Variants in PHF21B observed in about 807,000 individuals in gnomAD.
PHF21B encodes the protein PHD finger protein 21B, also known as PHD finger protein 4.
PHF21B carries 22 observed loss-of-function variants against 62.2 expected under a neutral mutation model. The observed-to-expected ratio is 0.35, with a 90% confidence interval of 0.25 to 0.51. The LOEUF (loss-of-function observed/expected upper bound fraction) is 0.51. PHF21B is among the 20% of genes least tolerant of loss of function. PHF21B has a pLI of 0.97. For missense variants in PHF21B, 701 were observed against 707.9 expected (o/e 0.99, Z 0.11); for synonymous variants, 341 against 314.7 (o/e 1.08, Z -0.88).
At chr22:44,920,348 T>C (rs771983587) in intron 3 of PHF21B, 50 bp downstream of exon 3, 2 of 1,475,670 alleles carry the variant, frequency 1.4e-6, no homozygotes, top group Admixed American at 2.0e-5. Flanking sequence ...GAACAGAGAC[T>C]GCGGGGACAG....
chr22:44,891,938 G>T (rs963014272), intron 7 of PHF21B, among the ~76,000 whole-genome samples: 1 of 152,162 alleles, frequency 6.6e-6, no homozygotes, highest in African/African-American at 2.4e-5. Flanking sequence ...GGCCAGATTT[G>T]ACACCACTTC....
At chr22:44,904,280 CA>C (rs1433717948) in intron 5 of PHF21B, among the ~76,000 whole-genome samples, 7 of 150,374 alleles carry the variant, frequency 4.7e-5, no homozygotes, top group Non-Finnish European at 1.0e-4. Context: ...CTTTGTAAAA[CA>C]AAACTGGATT....
chr22:44,889,689 G>T, intron 9 of PHF21B, 71 bp downstream of exon 9: 2 of 1,523,284 alleles, frequency 1.3e-6, no homozygotes, highest in South Asian at 1.3e-5. Flanking sequence ...TTCCAGGAGG[G>T]ACCCTATGAG....
intron 2 of PHF21B, among the ~76,000 whole-genome samples, chr22:44,974,512 C>T (rs76636329): frequency 0.082 from 12,552 of 152,170 alleles, 575 homozygotes; most frequent in South Asian, 0.12. Flanking sequence ...GCCGACATAC[C>T]CACATGTGTT....
At chr22:44,998,036 T>C (rs2147521158) in intron 2 of PHF21B, among the ~76,000 whole-genome samples, 1 of 152,386 alleles carries the variant, frequency 6.6e-6, no homozygotes, top group Middle Eastern at 3.4e-3. Flanking sequence ...CTGCAGGGAC[T>C]CCTGATTCTC....
chr22:44,885,461 C>T lies in PHF21B; in HGVS notation c.1342G>A (p.Glu448Lys). 6.3e-7 allele frequency: 1 copy of T among 1,595,320 alleles called. No homozygotes were observed. Among genetic ancestry groups the T allele is most frequent in the Non-Finnish European group, 8.5e-7 (1 of 1,171,646 alleles). Residue 448 changes from glutamate (E) to lysine (K), a missense_variant, in exon 12 of 13, where the codon GAG becomes AAG. Coordinates refer to ENST00000313237, the MANE Select transcript of PHF21B (RefSeq NM_138415.5). ...GACGCCAGCCGCCGGTCCCGCTCCT[C>T]CAGCTGCTGGTGCTCGTTCTGCAGC... ...SELQNEHQQL[E>K]ERDRRLASAV...
intron 6 of PHF21B, among the ~76,000 whole-genome samples, chr22:44,895,296 T>C (rs6007373): frequency 6.6e-6 from 1 of 151,682 alleles, no homozygotes; most frequent in Admixed American, 6.6e-5. Flanking sequence ...GGCCCTAAGA[T>C]TCTAGGATGA....
At chr22:44,896,119 A>G (rs1483434299) in intron 5 of PHF21B, 36 bp from the exon 6 acceptor site, 3 of 1,611,340 alleles carry the variant, frequency 1.9e-6, no homozygotes, top group Non-Finnish European at 2.5e-6. Context: ...CATTAACACA[A>G]CCGTCAAAGT....
intron 2 of PHF21B, among the ~76,000 whole-genome samples, chr22:45,005,631 A>G (rs1601704515): frequency 1.3e-5 from 2 of 152,326 alleles, no homozygotes; most frequent in East Asian, 3.9e-4. Context: ...GGGCCCTGAA[A>G]GACAGGATTC....
chr22:44,987,421 T>G (rs2072970396), intron 2 of PHF21B, among the ~76,000 whole-genome samples: 1 of 152,194 alleles, frequency 6.6e-6, no homozygotes, highest in African/African-American at 2.4e-5. Flanking sequence ...ACAGCCACGG[T>G]TCTGCTTCAC....
At chr22:44,964,329 C>T (rs777585246) in intron 2 of PHF21B, among the ~76,000 whole-genome samples, 6 of 152,202 alleles carry the variant, frequency 3.9e-5, no homozygotes, top group Non-Finnish European at 7.3e-5. Flanking sequence ...AATGCAGCCT[C>T]GGCCCGAGGG....
intron 2 of PHF21B, among the ~76,000 whole-genome samples, chr22:44,990,223 A>G (rs563333169): frequency 5.8e-4 from 88 of 152,362 alleles, no homozygotes; most frequent in African/African-American, 2.0e-3. Context: ...CCAGAGGATG[A>G]CACAGGCAAC....
intron 7 of PHF21B, among the ~76,000 whole-genome samples, 168 bp from the exon 8 acceptor site, chr22:44,891,528 G>A (rs2147255716): frequency 6.6e-6 from 1 of 152,292 alleles, no homozygotes; most frequent in Middle Eastern, 3.4e-3. Flanking sequence ...ATACAGGGCA[G>A]AAGCACGCAG....
chr22:45,009,345 G>T lies in PHF21B; in HGVS notation c.54+151C>A. 1 of 770,708 alleles carries T rather than the reference G, an allele frequency of 1.3e-6. No individual in the cohort carries two copies. Among genetic ancestry groups the T allele is most frequent in the Non-Finnish European group, 2.0e-6 (1 of 504,814 alleles). The allele number at this position is 770,708 out of a possible 1,614,324, so 47.7% of individuals were successfully genotyped here. On this transcript the variant is annotated intron_variant, in intron 1 of 12. Transcript: ENST00000313237. This position sits in a 1 kb window ranked among gnomAD's most constrained non-coding sequence, Gnocchi z 5.9. Reference sequence around the variant, plus strand: ...GAGGGGAGCCCAGAAGGGGGTCCGCGCGTGTGCTCACTCCCTCGCCCCCCG... The same window carrying T: ...GAGGGGAGCCCAGAAGGGGGTCCGCTCGTGTGCTCACTCCCTCGCCCCCCG...
chr22:44,954,546 C>T (rs539065968), intron 2 of PHF21B, among the ~76,000 whole-genome samples: 1 of 152,246 alleles, frequency 6.6e-6, no homozygotes, highest in Non-Finnish European at 1.5e-5. Context: ...ACACACAAAG[C>T]GTTTCTGCAT....
intron 6 of PHF21B, among the ~76,000 whole-genome samples, chr22:44,895,256 C>A (rs760819836): frequency 6.6e-6 from 1 of 152,116 alleles, no homozygotes; most frequent in Non-Finnish European, 1.5e-5. Flanking sequence ...ATGGGGGCTT[C>A]CCCAAGGGGG....
intron 6 of PHF21B, among the ~76,000 whole-genome samples, chr22:44,894,841 G>C (rs543352364): frequency 1.3e-5 from 2 of 152,144 alleles, no homozygotes; most frequent in Non-Finnish European, 2.9e-5. Flanking sequence ...TGCTGTCCCC[G>C]CGCGCTGGGC....
chr22:44,952,882 A>G (rs1353884691), intron 2 of PHF21B, among the ~76,000 whole-genome samples: 2 of 152,206 alleles, frequency 1.3e-5, no homozygotes, highest in Non-Finnish European at 2.9e-5. Context: ...GGCAGGATTC[A>G]GCCCCTGTGT....
chr22:44,961,301 A>G (rs1436102247), intron 2 of PHF21B, among the ~76,000 whole-genome samples: 3 of 152,068 alleles, frequency 2.0e-5, no homozygotes, highest in Admixed American at 6.6e-5. Flanking sequence ...CAGGGGGTAC[A>G]GGTGCAGGTT....
Sources: gnomAD v4.1 joint callset for allele counts (sites outside exome capture counted in the v4.1 genomes callset) on GRCh38, gnomAD v4.1.1 for gene constraint, Gnocchi (gnomAD v3.1) non-coding constraint, MANE v1.5 for transcripts, NCBI Gene and HGNC (gene_info 2026-07-23, HGNC 2026-07-21) for gene names.